Variants in FNBP4 observed in about 807,000 individuals in gnomAD.
The protein encoded by FNBP4 is formin binding protein 4, also known as formin-binding protein 4.
A neutral mutation model predicts 119.3 loss-of-function variants in FNBP4; 34 were observed. That is an observed-to-expected ratio of 0.28 (90% CI 0.22 to 0.38). FNBP4 has a LOEUF of 0.38. Among genes scored for constraint, FNBP4 ranks in the 10% least tolerant of loss-of-function variants. FNBP4 has a pLI of 1.00. For missense variants in FNBP4, 1,112 were observed against 1,228.9 expected (o/e 0.90, Z 1.42); for synonymous variants, 462 against 430.6 (o/e 1.07, Z -0.90).
chr11:47,758,896 G>A (rs1404619556), intron 2 of FNBP4, among the ~76,000 whole-genome samples: 1 of 151,466 alleles, frequency 6.6e-6, no homozygotes, highest in Non-Finnish European at 1.5e-5. Flanking sequence ...AATTTGCAAG[G>A]ACGTTTCTTA....
intron 12 of FNBP4, 150 bp from the exon 13 acceptor site, chr11:47,724,928 G>A (rs1256428575): frequency 3.4e-6 from 4 of 1,190,610 alleles, no homozygotes; most frequent in Non-Finnish European, 4.4e-6. Flanking sequence ...CAAACAGCAG[G>A]GAATGGCTCC....
At chr11:47,737,895 T>C (rs1384716120) in intron 8 of FNBP4, among the ~76,000 whole-genome samples, 1 of 151,812 alleles carries the variant, frequency 6.6e-6, no homozygotes, top group Non-Finnish European at 1.5e-5. Flanking sequence ...TACAGGCATG[T>C]GCCACCAAGC....
chr11:47,747,307 C>T lies in FNBP4; in HGVS notation c.907-913G>A, dbSNP rs1170090619. ...GCAACGTCTGCCTCCCGGGTTCAAG[C>T]AATTTCCCTGCCTCAGCCTCCTGAG... On this transcript the variant is annotated intron_variant, in intron 6 of 16. Transcript: ENST00000263773. Among the ~76,000 whole-genome samples the T allele has an allele frequency of 2.0e-5, 3 of 152,138 alleles. No homozygotes were observed. In the East Asian group the frequency reaches 5.8e-4, roughly 29 times the overall value.
At position 47,722,957 on chromosome 11, in the gene FNBP4, A is replaced by G. The variant is rs1242660585; in HGVS notation, c.2805+19T>C. The stretch of plus-strand genomic sequence containing the variant: ...AAAATTTTTAAAAATAAATTTTTAA[A>G]AAGGGAAATTTATTATACCTTGTCT... On this transcript the variant is annotated intron_variant, in intron 15 of 16. Coordinates refer to ENST00000263773, the MANE Select transcript of FNBP4 (RefSeq NM_015308.5). 2 of 1,479,344 alleles carry G rather than the reference A, an allele frequency of 1.4e-6. No individual in the cohort carries two copies. Among genetic ancestry groups the G allele is most frequent in the Non-Finnish European group, 1.8e-6 (2 of 1,123,034 alleles). 91.6% of individuals were successfully genotyped at this position (1,479,344 alleles called of 1,614,324 possible). A position where few individuals can be genotyped will look rare whatever the true frequency, so the allele number is the denominator to read the frequency against.
chr11:47,754,810 A>G (rs2097612993), intron 2 of FNBP4, 146 bp from the exon 3 acceptor site: 2 of 842,412 alleles, frequency 2.4e-6, no homozygotes, highest in South Asian at 1.8e-5. Context: ...GAACTACCAC[A>G]GAAGAATAAA....
intron 8 of FNBP4, among the ~76,000 whole-genome samples, chr11:47,737,812 T>A (rs559160881): frequency 6.6e-6 from 1 of 151,970 alleles, no homozygotes; most frequent in Admixed American, 6.6e-5. Flanking sequence ...AGTGGCGTGA[T>A]CTTAGCTCAT....
chr11:47,754,776 A>G (rs2097612905), intron 2 of FNBP4, 112 bp from the exon 3 acceptor site: 3 of 1,130,782 alleles, frequency 2.7e-6, no homozygotes, highest in African/African-American at 1.6e-5. Flanking sequence ...AGATTAGAAC[A>G]TAACCGCAAA....
chr11:47,766,939 T>G, intron 1 of FNBP4, 130 bp downstream of exon 1: 1 of 1,367,170 alleles, frequency 7.3e-7, no homozygotes. Flanking sequence ...CCGCCCCGCC[T>G]GCAGGCCCGC....
chr11:47,733,973 T>G, intron 10 of FNBP4, 52 bp downstream of exon 10: 3 of 909,550 alleles, frequency 3.3e-6, no homozygotes. Context: ...CATACAGCAT[T>G]TCATTCAAAC....
At chr11:47,742,931 G>A (rs1246263764) in intron 8 of FNBP4, among the ~76,000 whole-genome samples, 1 of 151,370 alleles carries the variant, frequency 6.6e-6, no homozygotes, top group African/African-American at 2.4e-5. Context: ...TTCAAACAAG[G>A]ATGTCTTTCT....
In FNBP4 at chr11:47,750,976, T is replaced by C. The variant is rs770705346; in HGVS notation, c.846A>G (p.Lys282=). 6.2e-7 allele frequency: 1 copy of C among 1,614,066 alleles called. No homozygotes were observed. Among genetic ancestry groups the C allele is most frequent in the Non-Finnish European group, 8.5e-7 (1 of 1,180,002 alleles). Residue 282 remains lysine (K), a synonymous_variant, in exon 6 of 17, where the codon AAA becomes AAG. Transcript: ENST00000263773. ...TTTTACTACTGGAAACAGAAATCGT[T>C]TTCTCCTTAGAATATATGTCTGTAT... is the stretch of plus-strand genomic sequence containing the variant. ...VVNTDIYSKE[K]TISVSSSKSG...
intron 3 of FNBP4, among the ~76,000 whole-genome samples, chr11:47,753,560 G>T (rs111890405): frequency 6.6e-6 from 1 of 151,894 alleles, no homozygotes; most frequent in Non-Finnish European, 1.5e-5. Context: ...GCAGTGAGCC[G>T]AGATCACGCT....
intron 12 of FNBP4, chr11:47,729,809 G>A: frequency 1.0e-6 from 1 of 985,310 alleles, no homozygotes; most frequent in Non-Finnish European, 1.2e-6. Flanking sequence ...TAGAACTGTT[G>A]ATTATTGCTC....
At chr11:47,727,516 G>C (rs754819684) in intron 12 of FNBP4, among the ~76,000 whole-genome samples, 4 of 152,182 alleles carry the variant, frequency 2.6e-5, no homozygotes, top group Non-Finnish European at 5.9e-5. Context: ...CTCCCAAAGT[G>C]CTGGGATTAC....
At chr11:47,763,291 C>G (rs2097639914) in intron 2 of FNBP4, among the ~76,000 whole-genome samples, 1 of 151,916 alleles carries the variant, frequency 6.6e-6, no homozygotes, top group Admixed American at 6.6e-5. Flanking sequence ...TGGCAAAACC[C>G]CGTCTCTACT....
chr11:47,766,979 C>T (rs965699880), intron 1 of FNBP4, 90 bp downstream of exon 1: 7 of 1,420,682 alleles, frequency 4.9e-6, no homozygotes, highest in Non-Finnish European at 6.4e-6. Flanking sequence ...CCGACCTCGC[C>T]CGCCTCCCTC....
At chr11:47,754,827 C>T (rs1035418758) in intron 2 of FNBP4, among the ~76,000 whole-genome samples, 163 bp from the exon 3 acceptor site, 19 of 151,958 alleles carry the variant, frequency 1.3e-4, no homozygotes, top group East Asian at 3.8e-4. Flanking sequence ...TAAATTACAT[C>T]GTATGGTTAA....
intron 2 of FNBP4, among the ~76,000 whole-genome samples, chr11:47,755,690 C>A (rs2097615932): frequency 6.6e-6 from 1 of 150,890 alleles, no homozygotes; most frequent in Non-Finnish European, 1.5e-5. Context: ...GAGCATACGG[C>A]TGAGGTGCAA....
At position 47,731,470 on chromosome 11, in the gene FNBP4, C is replaced by T. The variant is rs555829801; in HGVS notation, c.1912G>A (p.Ala638Thr). 53 of 1,613,872 alleles carry T rather than the reference C, an allele frequency of 3.3e-5. 1 individual carries two copies. The South Asian group carries it at 5.6e-4, about 17-fold the overall frequency. ...AGAGTCTCATCTCTATTTTCTTGTG[C>T]TTGGCTTTCTTCTTCTTCCTCTTCA... ...DGEEEEEESQ[A>T]QENRDETLAK... The change falls in exon 12 of 17, where the codon GCA becomes ACA. Residue 638 changes from alanine (A) to threonine (T), a missense_variant. Around this residue, in one of 2 missense-constraint regions of FNBP4, gnomAD observed 826 missense variants for 988.8 expected, o/e 0.84. Coordinates refer to ENST00000263773, the MANE Select transcript of FNBP4 (RefSeq NM_015308.5).
Sources: allele counts gnomAD v4.1 joint callset (sites outside exome capture counted in the v4.1 genomes callset), GRCh38; gene constraint gnomAD v4.1.1; regional missense constraint gnomAD v4.1.1; transcripts MANE v1.5; gene names NCBI Gene and HGNC (gene_info 2026-07-23, HGNC 2026-07-21).